WWC1: variants seen among roughly 807,000 people sequenced by gnomAD.
WWC1 encodes the protein protein KIBRA.
A neutral mutation model predicts 138.4 loss-of-function variants in WWC1; 55 were observed. That is an observed-to-expected ratio of 0.40 (90% CI 0.32 to 0.50). The LOEUF is 0.50. WWC1 is among the 20% of genes least tolerant of loss of function. WWC1 has a pLI of 0.72. For synonymous variants in WWC1, 524 were observed against 564.9 expected (o/e 0.93, Z 1.03); for missense variants, 1,226 against 1,420.4 (o/e 0.86, Z 2.20).
intron 11 of WWC1, among the ~76,000 whole-genome samples, chr5:168,425,340 C>T (rs749994143): frequency 6.6e-6 from 1 of 152,064 alleles, no homozygotes; most frequent in Non-Finnish European, 1.5e-5. Context: ...CTCACCTGGG[C>T]CTTCTTGGCT....
chr5:168,460,569 C>T, intron 19 of WWC1, 81 bp from the exon 20 acceptor site: 1 of 1,391,878 alleles, frequency 7.2e-7, no homozygotes, highest in Non-Finnish European at 1.0e-6. Context: ...AGTGGAGGAA[C>T]CTGACCTCCC....
intron 1 of WWC1, among the ~76,000 whole-genome samples, chr5:168,347,669 G>A (rs1314971639): frequency 6.6e-6 from 1 of 152,152 alleles, no homozygotes; most frequent in Non-Finnish European, 1.5e-5. Context: ...TGAAGAAGGT[G>A]AAGAGCAATC....
Position 168,435,681 on chromosome 5 carries a change from G to A in WWC1, c.2280+4237G>A, listed in dbSNP as rs142235238. 3.2e-3 allele frequency among the ~76,000 whole-genome samples: 491 copies of A among 152,242 alleles called. 2 individuals carry two copies. Among genetic ancestry groups the A allele is most frequent in the Non-Finnish European group, 5.3e-3 (362 of 68,022 alleles). On this transcript the variant is annotated intron_variant, in intron 15 of 22. Coordinates refer to ENST00000265293, the MANE Select transcript of WWC1 (RefSeq NM_015238.3). The stretch of plus-strand genomic sequence containing the variant: ...CCGCCTCAGCCTCTCAAAGGGCTGG[G>A]GTTTACAGGCGTGAGCCACCACACC...
intron 9 of WWC1, among the ~76,000 whole-genome samples, chr5:168,418,414 C>G (rs1274187276): frequency 6.6e-6 from 1 of 152,192 alleles, no homozygotes; most frequent in Non-Finnish European, 1.5e-5. Context: ...ACATTTTTAA[C>G]CAGCACCCAA....
At chr5:168,357,485 TG>T (rs1561652884) in intron 1 of WWC1, among the ~76,000 whole-genome samples, 801 of 77,896 alleles carry the variant, frequency 0.01, 5 homozygotes, top group Non-Finnish European at 0.016. Flanking sequence ...TGTGTGTGTG[TG>T]TGTGTGTGCG....
chr5:168,325,000 A>C (rs1772413163), intron 1 of WWC1, among the ~76,000 whole-genome samples: 1 of 152,234 alleles, frequency 6.6e-6, no homozygotes, highest in African/African-American at 2.4e-5. Context: ...GACTGGATCC[A>C]GTAGAGCAAG....
intron 1 of WWC1, among the ~76,000 whole-genome samples, chr5:168,357,030 A>G (rs1775478121): frequency 6.6e-6 from 1 of 152,154 alleles, no homozygotes; most frequent in Non-Finnish European, 1.5e-5. Context: ...TTATTTGAGT[A>G]TCAAATAAGG....
chr5:168,364,796 C>G (rs1776162343), intron 1 of WWC1, among the ~76,000 whole-genome samples: 1 of 152,174 alleles, frequency 6.6e-6, no homozygotes, highest in Non-Finnish European at 1.5e-5. Context: ...CAAAGCTGAC[C>G]TCCGCCTCCA....
At chr5:168,395,711 A>G (rs916381071) in intron 3 of WWC1, among the ~76,000 whole-genome samples, 11 of 152,190 alleles carry the variant, frequency 7.2e-5, no homozygotes, top group African/African-American at 2.7e-4. Flanking sequence ...GACAAAGGCT[A>G]CAAGGCCCTT....
chr5:168,420,764 C>T (rs918987686), intron 9 of WWC1, among the ~76,000 whole-genome samples: 8 of 152,316 alleles, frequency 5.3e-5, no homozygotes, highest in Admixed American at 2.6e-4. Flanking sequence ...CTCAGCTGCT[C>T]CTGCAGCCCA....
intron 1 of WWC1, among the ~76,000 whole-genome samples, chr5:168,299,845 A>G (rs1769901453): frequency 6.6e-6 from 1 of 152,220 alleles, no homozygotes; most frequent in Non-Finnish European, 1.5e-5. Context: ...ACTTGCAGGG[A>G]ATGCCGACCT....
chr5:168,425,688 G>A (rs535373923), intron 11 of WWC1, among the ~76,000 whole-genome samples: 8 of 151,244 alleles, frequency 5.3e-5, no homozygotes, highest in Admixed American at 5.3e-4. Context: ...TAGTAGAGGC[G>A]GGCTTTCACC....
rs562818410 is a variant in WWC1 at position 168,444,666 on chromosome 5, A to C, written c.2525+81A>C. ...CAATGAGATCCCCCAATGCCAGTGC[A>C]ACTAAGAGAAGGGTTCCACTGGGAA... On this transcript the variant is annotated intron_variant, in intron 17 of 22. Transcript: ENST00000265293. 2.0e-5 allele frequency: 30 copies of C among 1,476,046 alleles called. No homozygotes were observed. In the African/African-American group the frequency reaches 4.0e-4, roughly 20 times the overall value. The allele number at this position is 1,476,046 out of a possible 1,614,324, so 91.4% of individuals were successfully genotyped here.
At chr5:168,299,318 C>T (rs2152739291) in intron 1 of WWC1, among the ~76,000 whole-genome samples, 1 of 152,306 alleles carries the variant, frequency 6.6e-6, no homozygotes, top group African/African-American at 2.4e-5. Flanking sequence ...CAGGGAGAGA[C>T]TTTGCTAAGG....
intron 1 of WWC1, among the ~76,000 whole-genome samples, chr5:168,347,303 A>G (rs953106369): frequency 3.9e-5 from 6 of 152,134 alleles, no homozygotes; most frequent in African/African-American, 1.4e-4. Context: ...AGACCTCAAG[A>G]AGGAGGCAGT....
intron 1 of WWC1, among the ~76,000 whole-genome samples, chr5:168,317,033 CG>C (rs1299191945): frequency 6.6e-6 from 1 of 152,170 alleles, no homozygotes; most frequent in African/African-American, 2.4e-5. Context: ...AAACCTCACC[CG>C]GCAGTAGTGA....
intron 17 of WWC1, among the ~76,000 whole-genome samples, chr5:168,446,220 C>T (rs1386364338): frequency 8.0e-6 from 1 of 125,714 alleles, no homozygotes; most frequent in Non-Finnish European, 1.6e-5. Context: ...CCTGAGCCTT[C>T]TCTCCCATTA....
At chr5:168,379,026 G>A (rs1425154005) in intron 2 of WWC1, among the ~76,000 whole-genome samples, 2 of 152,210 alleles carry the variant, frequency 1.3e-5, no homozygotes, top group South Asian at 2.1e-4. Flanking sequence ...GAATGTGTAT[G>A]GCGTGTGTTT....
chr5:168,449,642 C>T (rs555307754), intron 17 of WWC1, among the ~76,000 whole-genome samples: 8 of 145,576 alleles, frequency 5.5e-5, no homozygotes, highest in East Asian at 2.0e-4. Flanking sequence ...GGTGCGATCT[C>T]GGCTCACTGT....
Sources: allele counts gnomAD v4.1 joint callset (sites outside exome capture counted in the v4.1 genomes callset), GRCh38; gene constraint gnomAD v4.1.1; transcripts MANE v1.5; gene names NCBI Gene and HGNC (gene_info 2026-07-23, HGNC 2026-07-21).